The following EXOC3L2 variants were observed in gnomAD, a reference collection of about 807,000 sequenced individuals.
The protein encoded by EXOC3L2 is exocyst complex component 3 like 2, also known as exocyst complex component 3-like protein 2.
Under a neutral mutation model 44.4 loss-of-function variants are expected in EXOC3L2, and 17 were observed. The observed-to-expected ratio is 0.38, with a 90% CI of 0.26 to 0.57. The LOEUF is 0.57. Among genes scored for constraint, EXOC3L2 ranks in the 20% least tolerant of loss-of-function variants. EXOC3L2 has a pLI of 0.65. For missense variants in EXOC3L2, 541 were observed against 588.4 expected, an observed-to-expected ratio of 0.92 and a Z score of 0.83; for synonymous variants, 256 against 253.7, an observed-to-expected ratio of 1.01 and a Z score of -0.09.
Position 45,234,123 on chromosome 19 carries a change from C to A in EXOC3L2, c.1157+70G>T. 2.6e-6 allele frequency: 1 copy of A among 380,952 alleles called. No homozygotes were observed. The highest frequency in any genetic ancestry group is 1.3e-4 in the South Asian group (1 of 7,586). The allele number at this position is 380,952 out of a possible 1,614,324, so 23.6% of individuals were successfully genotyped here. Reference sequence around the variant, plus strand: ...TCAGCTGTCCCAAGGTCCTTAAGGTCTGAAGAAGCCAGTGCTAGGGGGTAG... The same window carrying A: ...TCAGCTGTCCCAAGGTCCTTAAGGTATGAAGAAGCCAGTGCTAGGGGGTAG... On this transcript the variant is annotated intron_variant, in intron 3 of 11. Transcript: ENST00000413988. This position sits in a 1 kb window ranked among gnomAD's most constrained non-coding sequence, Gnocchi z 5.0.
At chr19:45,223,587 C>G (rs112759099) in intron 8 of EXOC3L2, among the ~76,000 whole-genome samples, 13,264 of 150,564 alleles carry the variant, frequency 0.088, 787 homozygotes, top group African/African-American at 0.16. Context: ...AAGTGATCCG[C>G]CCACCTTGGC....
chr19:45,232,816 A>G (rs907350657), intron 3 of EXOC3L2, among the ~76,000 whole-genome samples: 2 of 152,122 alleles, frequency 1.3e-5, no homozygotes, highest in African/African-American at 4.8e-5. Flanking sequence ...GGTGGCTCAC[A>G]CCTGTAATCG....
chr19:45,221,644 CTTTTTTTT>C (rs373572170), intron 8 of EXOC3L2, among the ~76,000 whole-genome samples: 6 of 91,832 alleles, frequency 6.5e-5, no homozygotes, highest in Non-Finnish European at 1.2e-4. Flanking sequence ...CCCAGCAGGG[CTTTTTTTT>C]TTTTTTTTTT....
Position 45,238,182 on chromosome 19 carries a change from G to A in EXOC3L2, c.523+341C>T, listed in dbSNP as rs979183169. Among the ~76,000 whole-genome samples the A allele has an allele frequency of 1.3e-5, 2 of 152,060 alleles. No homozygotes were observed. Among genetic ancestry groups the A allele is most frequent in the African/African-American group, 4.8e-5 (2 of 41,406 alleles). ...AAAGAAATTGAAGAAATTGGGGATA[G>A]AAAGAGAAGGGGGAGAGATGGGACC... On this transcript the variant is annotated intron_variant, in intron 2 of 11. Coordinates refer to ENST00000413988, the MANE Select transcript of EXOC3L2 (RefSeq NM_001382422.1). The surrounding 1 kb of genome is among the most constrained non-coding windows in gnomAD (Gnocchi z 5.5).
At position 45,216,205 on chromosome 19, in the gene EXOC3L2, G is replaced by C. The variant is rs73568208; in HGVS notation, c.1999-11C>G. 6.5e-3 allele frequency: 10,435 copies of C among 1,613,028 alleles called. 599 individuals carry two copies. In the African/African-American group the frequency reaches 0.12, roughly 19 times the overall value. On this transcript the variant is annotated splice_polypyrimidine_tract_variant and intron_variant, in intron 10 of 11. Coordinates refer to ENST00000413988, the MANE Select transcript of EXOC3L2 (RefSeq NM_001382422.1). ...CGAGGCCTGGGACTCCTGCAGGGGA[G>C]GGAGGGTGCGGGGTCACACCCTCCC...
At chr19:45,216,786 G>C (rs1257744868) in intron 10 of EXOC3L2, 2 of 152,060 alleles carry the variant, frequency 1.3e-5, no homozygotes, top group African/African-American at 4.8e-5. Context: ...GAAGCTCCCT[G>C]CATTCTTTCT....
intron 10 of EXOC3L2, among the ~76,000 whole-genome samples, chr19:45,216,449 C>T (rs780831557): frequency 7.2e-5 from 11 of 152,008 alleles, no homozygotes; most frequent in Non-Finnish European, 1.5e-4. Flanking sequence ...CGTGGTGGTG[C>T]ACACCTGTAA....
chr19:45,219,552 T>C (rs945066407), intron 8 of EXOC3L2, among the ~76,000 whole-genome samples: 1 of 152,114 alleles, frequency 6.6e-6, no homozygotes, highest in African/African-American at 2.4e-5. Flanking sequence ...CTGGAGCTCT[T>C]AGGAAGGAGT....
intron 6 of EXOC3L2, 77 bp from the exon 7 acceptor site, chr19:45,227,849 C>T (rs570821055): frequency 6.5e-7 from 1 of 1,533,590 alleles, no homozygotes; most frequent in South Asian, 1.2e-5. Flanking sequence ...CCAAAGCCAC[C>T]ATCCCTGCGG....
intron 1 of EXOC3L2, among the ~76,000 whole-genome samples, chr19:45,241,778 T>G (rs1970133804): frequency 6.8e-6 from 1 of 146,192 alleles, no homozygotes; most frequent in African/African-American, 2.4e-5. Flanking sequence ...GGAAGCCCTC[T>G]GTGACCCTCA....
intron 4 of EXOC3L2, among the ~76,000 whole-genome samples, chr19:45,230,806 C>T (rs1299321114): frequency 1.3e-5 from 2 of 151,616 alleles, no homozygotes; most frequent in South Asian, 2.1e-4. Flanking sequence ...TGTGTTGTCT[C>T]GGCTGGGGTG....
At chr19:45,239,363 G>A (rs1230024176) in intron 1 of EXOC3L2, among the ~76,000 whole-genome samples, 2 of 150,500 alleles carry the variant, frequency 1.3e-5, no homozygotes, top group South Asian at 2.1e-4. Context: ...GACTACAGGC[G>A]CCCACCACCA....
rs773062401 is a variant in EXOC3L2 at position 45,218,295 on chromosome 19, G to A, written c.1744C>T (p.Arg582Trp). The A allele has an allele frequency of 4.6e-5, 74 of 1,607,774 alleles. No individual in the cohort carries two copies. Among genetic ancestry groups the A allele is most frequent in the Middle Eastern group, 2.0e-4 (1 of 5,052 alleles). ...GCCTCCGGGCTGCTCAGCCACTTCCGGCGCATCAGCTTGTTGAAGTGTGGC... is the reference window on the plus strand; with the variant it reads ...GCCTCCGGGCTGCTCAGCCACTTCCAGCGCATCAGCTTGTTGAAGTGTGGC... ...LQPHFNKLMR[R>W]KWLSSPEALD... Residue 582 changes from arginine to tryptophan, a missense_variant, in exon 9 of 12, where the codon CGG becomes TGG. By Grantham distance (101) the Arg-to-Trp change is moderately radical (BLOSUM62 -3). Coordinates refer to ENST00000413988, the MANE Select transcript of EXOC3L2 (RefSeq NM_001382422.1).
intron 4 of EXOC3L2, 43 bp downstream of exon 4, chr19:45,231,720 C>G: frequency 6.4e-7 from 1 of 1,553,038 alleles, no homozygotes; most frequent in South Asian, 1.1e-5. Context: ...GACCCCCTCC[C>G]TCCACAGCAC....
rs746397338 is a variant in EXOC3L2 at position 45,231,645 on chromosome 19, C to A, written c.1269+118G>T. 1.2e-5 allele frequency: 10 copies of A among 856,024 alleles called. No individual in the cohort carries two copies. In the African/African-American group the frequency reaches 1.5e-4, roughly 13 times the overall value. The allele number at this position is 856,024 out of a possible 1,614,324, so 53.0% of individuals were successfully genotyped here. ...GGCACATGGATAGAACTCAGAAGTT[C>A]GTAAAGGGAAAAGGGAGTTGGAAAG... On this transcript the variant is annotated intron_variant, in intron 4 of 11. Transcript: ENST00000413988.
intron 8 of EXOC3L2, among the ~76,000 whole-genome samples, chr19:45,219,203 A>T (rs978956275): frequency 1.3e-5 from 2 of 151,524 alleles, no homozygotes; most frequent in Non-Finnish European, 2.9e-5. Flanking sequence ...ACAGAGTAAG[A>T]CTCCGTCTCA....
intron 11 of EXOC3L2, among the ~76,000 whole-genome samples, chr19:45,213,950 T>C (rs1335504756): frequency 2.0e-5 from 3 of 151,750 alleles, no homozygotes; most frequent in Admixed American, 6.6e-5. Context: ...CGAGACTCCA[T>C]TTCAAAAGTA....
At chr19:45,243,325 G>A (rs903938461) in intron 1 of EXOC3L2, among the ~76,000 whole-genome samples, 21 of 152,266 alleles carry the variant, frequency 1.4e-4, no homozygotes, top group Non-Finnish European at 1.8e-4. Flanking sequence ...GCAGACGTGC[G>A]GGGGTGGACA....
chr19:45,214,408 T>C (rs1338058743), intron 11 of EXOC3L2, among the ~76,000 whole-genome samples: 1 of 152,172 alleles, frequency 6.6e-6, no homozygotes, highest in African/African-American at 2.4e-5. Context: ...CATCCAGCAC[T>C]GTCACATGGT....
Sources: allele counts gnomAD v4.1 joint callset (sites outside exome capture counted in the v4.1 genomes callset), GRCh38; gene constraint gnomAD v4.1.1; non-coding constraint Gnocchi (gnomAD v3.1); transcripts MANE v1.5; gene names NCBI Gene and HGNC (gene_info 2026-07-23, HGNC 2026-07-21).